KIZ: variants seen among roughly 807,000 people sequenced by gnomAD.
The protein encoded by KIZ is centrosomal protein kizuna.
KIZ carries 68 observed loss-of-function variants against 79.6 expected under a neutral mutation model. That is an observed-to-expected ratio of 0.85 (90% CI 0.70 to 1.05). KIZ has a LOEUF of 1.05. Among genes scored for constraint, KIZ ranks in the 50% least tolerant of loss-of-function variants. The pLI is 0.00. For missense variants in KIZ, 797 were observed against 800.4 expected (o/e 1.00, Z 0.05); for synonymous variants, 280 against 281.8 (o/e 0.99, Z 0.06).
chr20:21,161,947 G>A lies in KIZ; in HGVS notation c.482G>A (p.Gly161Asp). 6.2e-7 allele frequency: 1 copy of A among 1,613,692 alleles called. No homozygotes were observed. The highest frequency in any genetic ancestry group is 1.3e-5 in the African/African-American group (1 of 75,030). Residue 161 changes from glycine (G) to aspartate (D), a missense_variant, in exon 5 of 13, where the codon GGC becomes GAC. By Grantham distance (94) the Gly-to-Asp change is moderately conservative (BLOSUM62 -1). Coordinates refer to ENST00000619189, the MANE Select transcript of KIZ (RefSeq NM_018474.6). ...GLYQPATIFM[G>D]RQMSAILSMR... ...TATCAACCAGCAACAATCTTTATGG[G>A]CCGCCAAATGTCAGCCATCTTAAGC...
intron 6 of KIZ, among the ~76,000 whole-genome samples, chr20:21,174,243 T>A (rs2034342304): frequency 6.6e-6 from 1 of 152,226 alleles, no homozygotes; most frequent in Admixed American, 6.5e-5. Flanking sequence ...TGCCAGGCAC[T>A]GTTTTAACAC....
intron 10 of KIZ, among the ~76,000 whole-genome samples, chr20:21,229,908 C>T (rs1427730127): frequency 2.6e-5 from 4 of 152,024 alleles, no homozygotes; most frequent in Non-Finnish European, 5.9e-5. Context: ...AATTATAGTT[C>T]CTTCAATTTA....
rs532239041 is a variant in KIZ, at chr20:21,160,075, T to G, written c.406-1796T>G. On this transcript the variant is annotated intron_variant, in intron 4 of 12. Coordinates refer to ENST00000619189, the MANE Select transcript of KIZ (RefSeq NM_018474.6). ...GTTGCCTCAGCATCCATTTTAAATCTAAGTTGAACCTTCTCATACCAGAAG... is the reference window on the plus strand; with the variant it reads ...GTTGCCTCAGCATCCATTTTAAATCGAAGTTGAACCTTCTCATACCAGAAG... Among the ~76,000 whole-genome samples the G allele has an allele frequency of 1.7e-3, 263 of 152,344 alleles. 1 individual carries two copies. The highest frequency in any genetic ancestry group is 6.0e-3 in the African/African-American group (250 of 41,578).
intron 6 of KIZ, among the ~76,000 whole-genome samples, chr20:21,166,996 C>T (rs577047820): frequency 1.3e-5 from 2 of 152,324 alleles, no homozygotes; most frequent in African/African-American, 2.4e-5. Flanking sequence ...GGCATGCAGC[C>T]TCTAGGGGCT....
At chr20:21,177,531 C>T (rs1024695693) in intron 6 of KIZ, among the ~76,000 whole-genome samples, 15 of 151,962 alleles carry the variant, frequency 9.9e-5, no homozygotes, top group African/African-American at 3.1e-4. Context: ...CAGTAGATTG[C>T]CTTTTTGCTC....
chr20:21,177,960 C>CAT (rs1322140362), intron 6 of KIZ, among the ~76,000 whole-genome samples: 13 of 152,026 alleles, frequency 8.6e-5, no homozygotes, highest in Non-Finnish European at 8.8e-5. Flanking sequence ...ATGCCAATAC[C>CAT]ATACTGTTTT....
chr20:21,234,644 A>G (rs1382332637), intron 11 of KIZ, among the ~76,000 whole-genome samples: 1 of 151,946 alleles, frequency 6.6e-6, no homozygotes, highest in East Asian at 1.9e-4. Context: ...TGGTCTCGAA[A>G]CCCGGTACTT....
Position 21,180,797 on chromosome 20 carries a change from A to C in KIZ, c.1352+17638A>C, listed in dbSNP as rs531994916. 2.0e-5 allele frequency among the ~76,000 whole-genome samples: 3 copies of C among 152,278 alleles called. No homozygotes were observed. The South Asian group carries it at 6.2e-4, about 32-fold the overall frequency. On this transcript the variant is annotated intron_variant, in intron 6 of 12. Coordinates refer to ENST00000619189, the MANE Select transcript of KIZ (RefSeq NM_018474.6). ...GTCAGTAGTCCCAGCTGAGCCCAGT[A>C]GTTCTAGCCCAAGCTCCAGATGTGA... is the stretch of plus-strand genomic sequence containing the variant.
Position 21,214,746 on chromosome 20 carries a change from G to C in KIZ, c.1612+46G>C, listed in dbSNP as rs529540429. 5.5e-6 allele frequency: 7 copies of C among 1,282,476 alleles called. No homozygotes were observed. In the East Asian group the frequency reaches 1.2e-4, roughly 21 times the overall value. 79.4% of individuals were successfully genotyped at this position (1,282,476 alleles called of 1,614,324 possible). Reference sequence around the variant, plus strand: ...TGTCCACAGCAAAAAGGCATTCAGGGTCATCATCATCTTTCTCAAGGTACA... The same window carrying C: ...TGTCCACAGCAAAAAGGCATTCAGGCTCATCATCATCTTTCTCAAGGTACA... On this transcript the variant is annotated intron_variant, in intron 8 of 12. Coordinates refer to ENST00000619189, the MANE Select transcript of KIZ (RefSeq NM_018474.6).
chr20:21,204,260 C>T (rs1028524521), intron 6 of KIZ, among the ~76,000 whole-genome samples: 3 of 148,968 alleles, frequency 2.0e-5, no homozygotes, highest in South Asian at 2.1e-4. Flanking sequence ...GGACTACAGG[C>T]GCCCGCCACT....
intron 1 of KIZ, 61 bp from the exon 2 acceptor site, chr20:21,132,036 G>A: frequency 1.3e-6 from 1 of 748,262 alleles, no homozygotes; most frequent in Non-Finnish European, 2.3e-6. Flanking sequence ...GAAGAGCATG[G>A]TCTAAATCCA....
intron 6 of KIZ, among the ~76,000 whole-genome samples, chr20:21,173,597 GAAA>G (rs1312048474): frequency 2.7e-5 from 1 of 36,760 alleles, no homozygotes; most frequent in African/African-American, 5.6e-5. Flanking sequence ...AAAAAAAAAA[GAAA>G]GAACCAGCTG....
intron 4 of KIZ, among the ~76,000 whole-genome samples, chr20:21,147,078 C>G (rs753868460): frequency 1.3e-5 from 2 of 152,110 alleles, no homozygotes; most frequent in Non-Finnish European, 1.5e-5. Flanking sequence ...CTATGCCATT[C>G]TTGATAGACA....
intron 4 of KIZ, among the ~76,000 whole-genome samples, chr20:21,157,629 G>T (rs550543215): frequency 2.6e-5 from 4 of 152,256 alleles, no homozygotes; most frequent in African/African-American, 9.6e-5. Context: ...TTTCTCTCCA[G>T]TTCTTGGCTC....
intron 2 of KIZ, 93 bp from the exon 3 acceptor site, chr20:21,136,297 A>G (rs1382843440): frequency 4.0e-6 from 3 of 740,774 alleles, no homozygotes; most frequent in Admixed American, 3.1e-5. Context: ...CTTAGAATAC[A>G]TTGTCTCATT....
At chr20:21,142,430 T>A (rs1315605378) in intron 3 of KIZ, among the ~76,000 whole-genome samples, 2 of 152,108 alleles carry the variant, frequency 1.3e-5, no homozygotes, top group East Asian at 3.8e-4. Flanking sequence ...AATTAATTCT[T>A]CCATATTTTT....
In KIZ at chr20:21,176,807, C is replaced by G. The variant is rs577788400; in HGVS notation, c.1352+13648C>G. 1.8e-4 allele frequency among the ~76,000 whole-genome samples: 28 copies of G among 152,320 alleles called. No homozygotes were observed. The South Asian group carries it at 5.6e-3, about 30-fold the overall frequency. On this transcript the variant is annotated intron_variant, in intron 6 of 12. Coordinates refer to ENST00000619189, the MANE Select transcript of KIZ (RefSeq NM_018474.6). Reference sequence around the variant, plus strand: ...AAAAAAGTAATGCTAGAATTAAACTCTGTAACAGAAATAAAGAATGCCTTT... The same window carrying G: ...AAAAAAGTAATGCTAGAATTAAACTGTGTAACAGAAATAAAGAATGCCTTT...
chr20:21,246,345 A>G, intron 12 of KIZ, 134 bp from the exon 13 acceptor site: 1 of 661,962 alleles, frequency 1.5e-6, no homozygotes. Flanking sequence ...CTGGTCAGGT[A>G]CATCATGTGG....
chr20:21,174,033 C>T (rs761826245), intron 6 of KIZ, among the ~76,000 whole-genome samples: 12 of 152,128 alleles, frequency 7.9e-5, no homozygotes, highest in Non-Finnish European at 1.2e-4. Flanking sequence ...CAGGGAAGAA[C>T]GAGGAGAACC....
Sources: allele counts gnomAD v4.1 joint callset (sites outside exome capture counted in the v4.1 genomes callset), GRCh38; gene constraint gnomAD v4.1.1; transcripts MANE v1.5; gene names NCBI Gene and HGNC (gene_info 2026-07-23, HGNC 2026-07-21).